The following BCAR3 variants were observed in gnomAD, a reference collection of about 807,000 sequenced individuals.
BCAR3 encodes the protein BCAR3 adaptor protein, NSP family member.
A neutral mutation model predicts 80.1 loss-of-function variants in BCAR3; 37 were observed. That is an observed-to-expected ratio of 0.46 (90% CI 0.36 to 0.61). The LOEUF is 0.61. Among genes scored for constraint, BCAR3 ranks in the 20% least tolerant of loss-of-function variants. The probability of loss-of-function intolerance (pLI) is 0.00; values close to 1 mark genes in which losing one functional copy is unlikely to be tolerated. For missense variants in BCAR3, 978 were observed against 1,068.2 expected, an observed-to-expected ratio of 0.92 and a Z score of 1.18; for synonymous variants, 389 against 418.9, an observed-to-expected ratio of 0.93 and a Z score of 0.87.
intron 3 of BCAR3, among the ~76,000 whole-genome samples, chr1:93,605,225 A>G (rs917034652): frequency 6.6e-6 from 1 of 152,196 alleles, no homozygotes; most frequent in African/African-American, 2.4e-5. Flanking sequence ...GATGTGCCAC[A>G]CTTCAGAGGA....
intron 3 of BCAR3, among the ~76,000 whole-genome samples, chr1:93,628,311 G>C (rs1675509609): frequency 6.6e-6 from 1 of 152,046 alleles, no homozygotes; most frequent in African/African-American, 2.4e-5. Flanking sequence ...CTCTCATCTG[G>C]ACAATCACAG....
chr1:93,758,300 G>C (rs1013099332), intron 2 of BCAR3, among the ~76,000 whole-genome samples: 12 of 152,236 alleles, frequency 7.9e-5, no homozygotes, highest in African/African-American at 2.9e-4. Context: ...TGATCCATCA[G>C]GATACAGGGC....
intron 3 of BCAR3, among the ~76,000 whole-genome samples, chr1:93,695,352 C>T (rs1649350908): frequency 6.6e-6 from 1 of 152,160 alleles, no homozygotes; most frequent in Non-Finnish European, 1.5e-5. Flanking sequence ...GCCCATGAGG[C>T]CATCAGGCTC....
rs950901459 is a variant in BCAR3 at position 93,623,908 on chromosome 1, T to C, written c.357+18396A>G. Reference sequence around the variant, plus strand: ...TGAAAACATGCATATTATACACCCATTAATAATAGGGTTGTACACTCATGT... The same window carrying C: ...TGAAAACATGCATATTATACACCCACTAATAATAGGGTTGTACACTCATGT... On this transcript the variant is annotated intron_variant, in intron 3 of 11. Transcript: ENST00000260502. 2.0e-5 allele frequency among the ~76,000 whole-genome samples: 3 copies of C among 152,176 alleles called. No individual in the cohort carries two copies. The East Asian group carries it at 5.8e-4, about 29-fold the overall frequency.
At chr1:93,671,141 C>T (rs567306138) in intron 2 of BCAR3, among the ~76,000 whole-genome samples, 2 of 152,052 alleles carry the variant, frequency 1.3e-5, no homozygotes, top group South Asian at 2.1e-4. Flanking sequence ...TACAAGCACA[C>T]GCCAATATGC....
intron 2 of BCAR3, among the ~76,000 whole-genome samples, chr1:93,645,674 GTA>G (rs1283692970): frequency 1.3e-5 from 2 of 150,858 alleles, no homozygotes; most frequent in African/African-American, 2.4e-5. Context: ...ATGTATCCAT[GTA>G]TATTTAAAAG....
chr1:93,809,747 G>A (rs539619669), intron 2 of BCAR3, among the ~76,000 whole-genome samples: 11 of 139,322 alleles, frequency 7.9e-5, no homozygotes, highest in Admixed American at 1.5e-4. Context: ...CAGCCTGGGC[G>A]ACAGAGCAAG....
chr1:93,782,201 G>A (rs550736440), intron 2 of BCAR3, among the ~76,000 whole-genome samples: 2 of 152,338 alleles, frequency 1.3e-5, no homozygotes, highest in South Asian at 2.1e-4. Context: ...CGGTTCTGAG[G>A]GGCCCTGGGT....
chr1:93,741,898 G>A (rs993050466), intron 2 of BCAR3, among the ~76,000 whole-genome samples: 5 of 152,156 alleles, frequency 3.3e-5, no homozygotes, highest in African/African-American at 1.2e-4. Flanking sequence ...TCTTCACAAT[G>A]ATGTGGTAAG....
intron 2 of BCAR3, among the ~76,000 whole-genome samples, chr1:93,832,514 G>A (rs563928528): frequency 3.3e-5 from 5 of 152,258 alleles, no homozygotes; most frequent in South Asian, 2.1e-4. Context: ...AGATCTTCTC[G>A]GCTTAGCAGC....
intron 2 of BCAR3, among the ~76,000 whole-genome samples, chr1:93,662,833 T>G (rs1647726952): frequency 6.6e-6 from 1 of 152,224 alleles, no homozygotes; most frequent in South Asian, 2.1e-4. Flanking sequence ...TAATCCACTT[T>G]ATAATAGAAT....
chr1:93,618,924 G>GTT (rs796584340), intron 3 of BCAR3, among the ~76,000 whole-genome samples: 20 of 136,008 alleles, frequency 1.5e-4, no homozygotes, highest in Non-Finnish European at 2.2e-4. Flanking sequence ...GAAGCCGTGG[G>GTT]TTTTTTTTTT....
At chr1:93,777,384 T>TTCC (rs1652596103) in intron 2 of BCAR3, among the ~76,000 whole-genome samples, 3 of 133,108 alleles carry the variant, frequency 2.3e-5, no homozygotes, top group Admixed American at 7.3e-5. Flanking sequence ...CCTCCTCTTC[T>TTCC]TCTTCCTCTT....
intron 3 of BCAR3, among the ~76,000 whole-genome samples, chr1:93,615,740 C>T (rs1299228351): frequency 1.3e-5 from 2 of 152,154 alleles, no homozygotes; most frequent in Non-Finnish European, 2.9e-5. Flanking sequence ...TCCGTGTGAG[C>T]AGCCAGGCCC....
intron 3 of BCAR3, among the ~76,000 whole-genome samples, chr1:93,617,529 C>T (rs988254218): frequency 5.3e-5 from 8 of 152,162 alleles, no homozygotes; most frequent in African/African-American, 1.7e-4. Flanking sequence ...CTTGTTCCTG[C>T]CCAAAGGGAC....
intron 7 of BCAR3, among the ~76,000 whole-genome samples, chr1:93,577,296 C>T (rs530122042): frequency 2.6e-5 from 4 of 152,246 alleles, no homozygotes; most frequent in East Asian, 3.9e-4. Flanking sequence ...TGATCTGGTA[C>T]ACTTGTCCTC....
chr1:93,718,107 T>C (rs1431144882), intron 2 of BCAR3, among the ~76,000 whole-genome samples: 1 of 152,136 alleles, frequency 6.6e-6, no homozygotes, highest in Non-Finnish European at 1.5e-5. Context: ...GCTCTTAAAA[T>C]AAAATAATAA....
chr1:93,775,920 T>A (rs1381053809), intron 2 of BCAR3, among the ~76,000 whole-genome samples: 1 of 152,220 alleles, frequency 6.6e-6, no homozygotes, highest in Non-Finnish European at 1.5e-5. Flanking sequence ...ACTTTTTGAA[T>A]TTTCTTTTTG....
chr1:93,763,486 G>A (rs1415966881), intron 2 of BCAR3, among the ~76,000 whole-genome samples: 1 of 152,164 alleles, frequency 6.6e-6, no homozygotes, highest in East Asian at 1.9e-4. Context: ...ATTTCATAAA[G>A]GAGAACACTG....
Sources: gnomAD v4.1 joint callset for allele counts (sites outside exome capture counted in the v4.1 genomes callset) on GRCh38, gnomAD v4.1.1 for gene constraint, MANE v1.5 for transcripts, NCBI Gene and HGNC (gene_info 2026-07-23, HGNC 2026-07-21) for gene names.